The following FBXL7 variants were observed in gnomAD, a reference collection of about 807,000 sequenced individuals.
FBXL7 encodes the protein F-box and leucine rich repeat protein 7.
In FBXL7, 12 loss-of-function variants were observed where a neutral mutation model predicts 38.3. That is an observed-to-expected ratio of 0.31 (90% CI 0.20 to 0.51). The LOEUF (loss-of-function observed/expected upper bound fraction) is 0.51, where lower values mean the gene tolerates loss of function less well. Among genes scored for constraint, FBXL7 ranks in the 20% least tolerant of loss-of-function variants. FBXL7 has a pLI of 0.98. For missense variants in FBXL7, 567 were observed against 676.4 expected (o/e 0.84, Z 1.79); for synonymous variants, 297 against 300.9 (o/e 0.99, Z 0.13).
intron 1 of FBXL7, among the ~76,000 whole-genome samples, chr5:15,519,444 CA>C (rs75322019): frequency 8.0e-4 from 105 of 130,846 alleles, no homozygotes; most frequent in Middle Eastern, 3.9e-3. Flanking sequence ...ACTTAGAAAA[CA>C]AAAAAAAAAA....
intron 2 of FBXL7, among the ~76,000 whole-genome samples, chr5:15,926,700 T>G (rs1289284354): frequency 6.6e-6 from 1 of 152,052 alleles, no homozygotes; most frequent in African/African-American, 2.4e-5. Context: ...TGGCTCATAC[T>G]ATTCAAATGC....
chr5:15,870,102 C>T (rs555881908), intron 2 of FBXL7, among the ~76,000 whole-genome samples: 1 of 151,982 alleles, frequency 6.6e-6, no homozygotes, highest in South Asian at 2.1e-4. Context: ...AGAGTGAGAC[C>T]CTCTGTCAAT....
At chr5:15,715,018 C>T (rs913788542) in intron 2 of FBXL7, among the ~76,000 whole-genome samples, 1 of 152,094 alleles carries the variant, frequency 6.6e-6, no homozygotes, top group South Asian at 2.1e-4. Context: ...AGATTCTCCC[C>T]TGAGCCTCTA....
chr5:15,828,094 G>A (rs1738362520), intron 2 of FBXL7, among the ~76,000 whole-genome samples: 1 of 152,160 alleles, frequency 6.6e-6, no homozygotes. Context: ...GACAATGTTT[G>A]TTTGATTCCT....
At position 15,531,026 on chromosome 5, in the gene FBXL7, G is replaced by A. The variant is rs377206898; in HGVS notation, c.37+30313G>A. On this transcript the variant is annotated intron_variant, in intron 1 of 3. Transcript: ENST00000504595. ...TTAAGGTCTTAGGCACAGATATGCC[G>A]TAGATCTATAGAACATACACATTGG... is the stretch of plus-strand genomic sequence containing the variant. Among the ~76,000 whole-genome samples the A allele has an allele frequency of 5.3e-5, 8 of 152,294 alleles. No individual in the cohort carries two copies. The East Asian group carries it at 9.7e-4, about 18-fold the overall frequency.
chr5:15,634,540 C>T (rs1429841593), intron 2 of FBXL7, among the ~76,000 whole-genome samples: 1 of 151,530 alleles, frequency 6.6e-6, no homozygotes, highest in African/African-American at 2.4e-5. Context: ...AGGCTGGTGT[C>T]GAACTCCTGA....
chr5:15,744,810 C>A (rs184906166), intron 2 of FBXL7, among the ~76,000 whole-genome samples: 1 of 152,202 alleles, frequency 6.6e-6, no homozygotes, highest in East Asian at 1.9e-4. Context: ...AGGAAACTTA[C>A]AATCATGTCA....
chr5:15,776,215 G>C (rs1350876723), intron 2 of FBXL7, among the ~76,000 whole-genome samples: 2 of 152,010 alleles, frequency 1.3e-5, no homozygotes, highest in Non-Finnish European at 2.9e-5. Flanking sequence ...AAGTGTGAAC[G>C]TACCACTCTT....
intron 1 of FBXL7, among the ~76,000 whole-genome samples, chr5:15,561,946 G>A (rs897221364): frequency 2.0e-4 from 30 of 151,976 alleles, no homozygotes; most frequent in African/African-American, 7.0e-4. Flanking sequence ...ATAAGCCAAT[G>A]GAATATAATA....
chr5:15,895,142 G>GT (rs1741054250), intron 2 of FBXL7, among the ~76,000 whole-genome samples: 1 of 152,050 alleles, frequency 6.6e-6, no homozygotes, highest in African/African-American at 2.4e-5. Context: ...AGTAATTGTG[G>GT]TTTTTGCTGT....
At position 15,583,331 on chromosome 5, in the gene FBXL7, C is replaced by A. The variant is rs146014241; in HGVS notation, c.38-32652C>A. 4.3e-3 allele frequency among the ~76,000 whole-genome samples: 649 copies of A among 152,248 alleles called. 4 individuals carry two copies. The highest frequency in any genetic ancestry group is 0.015 in the African/African-American group (630 of 41,516). On this transcript the variant is annotated intron_variant, in intron 1 of 3. Coordinates refer to ENST00000504595, the MANE Select transcript of FBXL7 (RefSeq NM_012304.5). ...AACCATATCATTCTGCTCCTGGCCC[C>A]TCCCAAATCTCTTTCCAACATTCCC... is the stretch of plus-strand genomic sequence containing the variant.
chr5:15,622,596 C>T (rs1302402885), intron 2 of FBXL7, among the ~76,000 whole-genome samples: 1 of 152,274 alleles, frequency 6.6e-6, no homozygotes, highest in Admixed American at 6.5e-5. Flanking sequence ...TCATCCATGT[C>T]CCTACAAAGG....
At chr5:15,604,880 A>G (rs1457385314) in intron 1 of FBXL7, among the ~76,000 whole-genome samples, 1 of 152,044 alleles carries the variant, frequency 6.6e-6, no homozygotes, top group East Asian at 1.9e-4. Flanking sequence ...CATTTAGGCA[A>G]TAAGGGGAAT....
intron 2 of FBXL7, among the ~76,000 whole-genome samples, chr5:15,684,161 T>G (rs17523624): frequency 0.034 from 5,108 of 152,290 alleles, 137 homozygotes; most frequent in Middle Eastern, 0.058. Context: ...CAGTAATTGC[T>G]GATATATGGT....
At chr5:15,764,526 G>A (rs1736533506) in intron 2 of FBXL7, among the ~76,000 whole-genome samples, 2 of 152,192 alleles carry the variant, frequency 1.3e-5, no homozygotes, top group Admixed American at 6.5e-5. Flanking sequence ...GTTAGCGTGT[G>A]TGCCCGTGAT....
chr5:15,615,973 T>A lies in FBXL7; in HGVS notation c.38-10T>A, dbSNP rs1171972852. 6.2e-7 allele frequency: 1 copy of A among 1,606,764 alleles called. No individual in the cohort carries two copies. Among genetic ancestry groups the A allele is most frequent in the Non-Finnish European group, 8.5e-7 (1 of 1,174,282 alleles). On this transcript the variant is annotated splice_polypyrimidine_tract_variant and intron_variant, in intron 1 of 3. Transcript: ENST00000504595. ...AAATCTCAAAAGCTGCTCATTCCTG[T>A]TTCTTCCAGGCAAAGGCAGCTCGAG...
intron 2 of FBXL7, among the ~76,000 whole-genome samples, chr5:15,701,795 G>A (rs1271222460): frequency 6.6e-6 from 1 of 152,132 alleles, no homozygotes; most frequent in Non-Finnish European, 1.5e-5. Flanking sequence ...AAGTACTCTT[G>A]ATCTTCATAA....
At chr5:15,682,875 G>T (rs1047336122) in intron 2 of FBXL7, among the ~76,000 whole-genome samples, 1 of 152,132 alleles carries the variant, frequency 6.6e-6, no homozygotes, top group Non-Finnish European at 1.5e-5. Flanking sequence ...ATACTTTATT[G>T]TCTGAGATTT....
chr5:15,646,133 C>A (rs1339644388), intron 2 of FBXL7, among the ~76,000 whole-genome samples: 1 of 152,024 alleles, frequency 6.6e-6, no homozygotes, highest in Admixed American at 6.6e-5. Flanking sequence ...TGTTTCACAT[C>A]CCATGCAAAT....
Sources: gnomAD v4.1 joint callset for allele counts (sites outside exome capture counted in the v4.1 genomes callset) on GRCh38, gnomAD v4.1.1 for gene constraint, MANE v1.5 for transcripts, NCBI Gene and HGNC (gene_info 2026-07-23, HGNC 2026-07-21) for gene names.